The following ETF1 variants were observed in gnomAD, a reference collection of about 807,000 sequenced individuals.
The protein encoded by ETF1 is eukaryotic peptide chain release factor subunit 1.
Under a neutral mutation model 55.1 loss-of-function variants are expected in ETF1, and 4 were observed. The ratio of observed to expected loss-of-function variants is 0.07; its 90% confidence interval spans 0.04 to 0.17. ETF1 has a LOEUF of 0.17. Ranked by LOEUF, ETF1 falls within the 10% of genes least tolerant of loss-of-function variation. The pLI is 1.00. For synonymous variants in ETF1, 157 were observed against 182.3 expected (o/e 0.86, Z 1.12); for missense variants, 142 against 523.6 (o/e 0.27, Z 7.11).
At chr5:138,542,439 G>T (rs1278830524) in intron 2 of ETF1, among the ~76,000 whole-genome samples, 3 of 152,192 alleles carry the variant, frequency 2.0e-5, no homozygotes, top group Non-Finnish European at 4.4e-5. Context: ...AATGAAGGGA[G>T]AAGAGGAAAT....
At chr5:138,529,812 G>T in intron 2 of ETF1, 1 of 605,060 alleles carries the variant, frequency 1.7e-6, no homozygotes, top group Non-Finnish European at 2.1e-6. Context: ...GAGTGCAGTG[G>T]CACAATCACA....
Position 138,519,287 on chromosome 5 carries a change from G to A in ETF1, c.87-420C>T, listed in dbSNP as rs966445082. On this transcript the variant is annotated intron_variant, in intron 2 of 10. Coordinates refer to ENST00000360541, the MANE Select transcript of ETF1 (RefSeq NM_004730.4). ...ATGCAATGAGTCTTTCCAAAGTCTA[G>A]GCATATTTGTAATCAAGAATTTAGT... 1.0e-4 allele frequency: 63 copies of A among 630,798 alleles called. No individual in the cohort carries two copies. In the African/African-American group the frequency reaches 1.1e-3, roughly 11 times the overall value. The allele number at this position is 630,798 out of a possible 1,614,324, so 39.1% of individuals were successfully genotyped here. A position where few individuals can be genotyped will look rare whatever the true frequency, so the allele number is the denominator to read the frequency against.
chr5:138,526,219 A>T (rs192287577), intron 2 of ETF1, among the ~76,000 whole-genome samples: 1 of 152,318 alleles, frequency 6.6e-6, no homozygotes, highest in African/African-American at 2.4e-5. Flanking sequence ...AAGAAAAAGA[A>T]ATCAGAAAGC....
intron 9 of ETF1, 124 bp from the exon 10 acceptor site, chr5:138,508,940 T>C: frequency 6.8e-7 from 1 of 1,460,276 alleles, no homozygotes; most frequent in Non-Finnish European, 9.0e-7. Flanking sequence ...TGTCTGTGTG[T>C]AAAGCTCTGT....
chr5:138,535,849 T>A (rs1765904002), intron 2 of ETF1, among the ~76,000 whole-genome samples: 1 of 105,836 alleles, frequency 9.4e-6, no homozygotes, highest in African/African-American at 3.7e-5. Context: ...CACTCAAGCC[T>A]GGGCGGGAAA....
chr5:138,520,685 T>C (rs1002936481), intron 2 of ETF1, among the ~76,000 whole-genome samples: 3 of 152,050 alleles, frequency 2.0e-5, no homozygotes, highest in Non-Finnish European at 4.4e-5. Flanking sequence ...GGGTGTCACG[T>C]GATGCAGGCC....
chr5:138,540,463 T>C (rs968712687), intron 2 of ETF1, among the ~76,000 whole-genome samples: 8 of 152,220 alleles, frequency 5.3e-5, no homozygotes, highest in African/African-American at 1.9e-4. Context: ...TTTTCCACTG[T>C]ACCCTATCTA....
rs1766248078 is a variant in ETF1, at chr5:138,542,930, C to T, written c.-12G>A. The T allele has an allele frequency of 6.2e-7, 1 of 1,613,550 alleles. No homozygotes were observed. The highest frequency in any genetic ancestry group is 8.5e-7 in the Non-Finnish European group (1 of 1,179,842). Reference sequence around the variant, plus strand: ...GGGTCGTCCGCCATCTTCTCGCCTCCTCCTCCCTAGAGCGGCCCGGCGGGG... The same window carrying T: ...GGGTCGTCCGCCATCTTCTCGCCTCTTCCTCCCTAGAGCGGCCCGGCGGGG... On this transcript the variant is annotated 5_prime_UTR_variant, in exon 2 of 11. Transcript: ENST00000360541.
At chr5:138,540,442 T>C (rs1281080154) in intron 2 of ETF1, among the ~76,000 whole-genome samples, 1 of 152,198 alleles carries the variant, frequency 6.6e-6, no homozygotes, top group African/African-American at 2.4e-5. Context: ...CTAGGTAAAG[T>C]AGGAATAACA....
intron 4 of ETF1, 185 bp from the exon 5 acceptor site, chr5:138,513,891 A>G (rs1402142445): frequency 1.2e-6 from 1 of 810,006 alleles, no homozygotes; most frequent in African/African-American, 1.9e-5. Context: ...GACAAATTTG[A>G]ACCCAATAAG....
intron 2 of ETF1, among the ~76,000 whole-genome samples, chr5:138,520,541 AAC>A (rs749120889): frequency 2.0e-5 from 3 of 152,296 alleles, no homozygotes; most frequent in Non-Finnish European, 4.4e-5. Context: ...ATGCAAAGCA[AAC>A]ACAGTGGCTC....
At chr5:138,520,476 G>A (rs889448486) in intron 2 of ETF1, among the ~76,000 whole-genome samples, 1 of 152,140 alleles carries the variant, frequency 6.6e-6, no homozygotes, top group African/African-American at 2.4e-5. Context: ...AACTTCCAAA[G>A]ACACTTATCA....
intron 9 of ETF1, among the ~76,000 whole-genome samples, chr5:138,509,894 CAAAAAAA>C (rs34092773): frequency 7.2e-4 from 48 of 66,436 alleles, no homozygotes; most frequent in Non-Finnish European, 9.5e-4. Flanking sequence ...AACTCCACCT[CAAAAAAA>C]AAAAAAAAAA....
chr5:138,526,922 G>T (rs934750715), intron 2 of ETF1, among the ~76,000 whole-genome samples: 1 of 152,132 alleles, frequency 6.6e-6, no homozygotes, highest in Non-Finnish European at 1.5e-5. Context: ...GGATGTTCTC[G>T]ATCTCCCGAC....
At chr5:138,515,448 A>G (rs1764979584) in intron 4 of ETF1, among the ~76,000 whole-genome samples, 1 of 152,216 alleles carries the variant, frequency 6.6e-6, no homozygotes, top group African/African-American at 2.4e-5. Context: ...AGAAAAAGAA[A>G]AAAGACATGA....
intron 6 of ETF1, chr5:138,511,984 G>C (rs1007053863): frequency 7.5e-6 from 5 of 666,428 alleles, no homozygotes; most frequent in Admixed American, 6.4e-5. Context: ...GACAGCTTGA[G>C]TCCAGGAATT....
At position 138,508,751 on chromosome 5, in the gene ETF1, T is replaced by C; in HGVS notation, c.1149A>G (p.Lys383=). 6.2e-7 allele frequency: 1 copy of C among 1,613,964 alleles called. No homozygotes were observed. Among genetic ancestry groups the C allele is most frequent in the African/African-American group, 1.3e-5 (1 of 75,032 alleles). ...PLLEWFANNY[K]KFGATLEIVT... Reference sequence around the variant, plus strand: ...CAATTTCCAACGTAGCTCCAAATTTTTTATAGTTGTTAGCAAACCATTCCA... The same window carrying C: ...CAATTTCCAACGTAGCTCCAAATTTCTTATAGTTGTTAGCAAACCATTCCA... The change falls in exon 10 of 11, where the codon AAA becomes AAG. Residue 383 remains lysine (K), a synonymous_variant. Coordinates refer to ENST00000360541, the MANE Select transcript of ETF1 (RefSeq NM_004730.4).
intron 2 of ETF1, chr5:138,519,235 T>C (rs13155345): frequency 0.5 from 487,851 of 974,598 alleles, 126,176 homozygotes; most frequent in Admixed American, 0.53. Context: ...AATGTGGTGG[T>C]TGAGTGGGAG....
chr5:138,541,591 G>C, intron 2 of ETF1: 2 of 1,531,190 alleles, frequency 1.3e-6, no homozygotes, highest in Non-Finnish European at 1.7e-6. Context: ...AGCTTGGAGG[G>C]GCTGTCATTC....
Sources: allele counts gnomAD v4.1 joint callset (sites outside exome capture counted in the v4.1 genomes callset), GRCh38; gene constraint gnomAD v4.1.1; transcripts MANE v1.5; gene names NCBI Gene and HGNC (gene_info 2026-07-23, HGNC 2026-07-21).